Variants in MAGI2 observed in about 807,000 individuals in gnomAD.
MAGI2 encodes the protein membrane associated guanylate kinase, WW and PDZ domain containing 2.
MAGI2 carries 35 observed loss-of-function variants against 133.3 expected under a neutral mutation model. The observed-to-expected ratio is 0.26, with a 90% CI of 0.20 to 0.35. The LOEUF is 0.35. Ranked by LOEUF, MAGI2 falls within the 10% of genes least tolerant of loss-of-function variation. The probability of loss-of-function intolerance (pLI) is 1.00; values close to 1 mark genes in which losing one functional copy is unlikely to be tolerated. For synonymous variants in MAGI2, 729 were observed against 710.6 expected, an observed-to-expected ratio of 1.03 and a Z score of -0.41; for missense variants, 1,636 against 1,863.4, an observed-to-expected ratio of 0.88 and a Z score of 2.25.
At chr7:79,389,224 G>T (rs567454310) in intron 1 of MAGI2, among the ~76,000 whole-genome samples, 5 of 152,004 alleles carry the variant, frequency 3.3e-5, no homozygotes, top group Admixed American at 6.6e-5. Context: ...AACATTGACA[G>T]ATATCAAGGA....
chr7:79,025,884 G>T (rs1809835117), intron 1 of MAGI2, among the ~76,000 whole-genome samples: 1 of 152,200 alleles, frequency 6.6e-6, no homozygotes, highest in African/African-American at 2.4e-5. Context: ...GGCTATAAAA[G>T]AAGTATATGA....
chr7:78,783,465 A>G (rs1826557971), intron 2 of MAGI2, among the ~76,000 whole-genome samples: 1 of 152,202 alleles, frequency 6.6e-6, no homozygotes, highest in Non-Finnish European at 1.5e-5. Flanking sequence ...TATGATGAGA[A>G]AAAAGAAACA....
At chr7:78,624,363 GT>G (rs1044523755) in intron 3 of MAGI2, among the ~76,000 whole-genome samples, 23 of 152,132 alleles carry the variant, frequency 1.5e-4, no homozygotes, top group Non-Finnish European at 3.1e-4. Flanking sequence ...TGCTTTTGGT[GT>G]TTTCATCACG....
chr7:78,988,766 C>T (rs528396928), intron 2 of MAGI2, among the ~76,000 whole-genome samples: 27 of 152,122 alleles, frequency 1.8e-4, no homozygotes, highest in African/African-American at 5.1e-4. Flanking sequence ...CAGTGGAAGA[C>T]GCAGAACTTT....
chr7:78,594,456 AT>A (rs1375174268), intron 3 of MAGI2, among the ~76,000 whole-genome samples: 1 of 151,418 alleles, frequency 6.6e-6, no homozygotes, highest in Non-Finnish European at 1.5e-5. Context: ...AAGGAATTCT[AT>A]TTTTTTTGTT....
intron 14 of MAGI2, among the ~76,000 whole-genome samples, 178 bp downstream of exon 14, chr7:78,177,833 C>A (rs779149013): frequency 1.3e-5 from 2 of 152,008 alleles, no homozygotes; most frequent in Non-Finnish European, 1.5e-5. Context: ...GTGGAGATAA[C>A]TGCATGTCGT....
At chr7:78,620,030 C>G (rs889623460) in intron 3 of MAGI2, among the ~76,000 whole-genome samples, 1 of 151,916 alleles carries the variant, frequency 6.6e-6, no homozygotes, top group African/African-American at 2.4e-5. Flanking sequence ...CAAGAATCTA[C>G]TGCTGTTATG....
At chr7:79,272,316 GCA>G (rs944249669) in intron 1 of MAGI2, among the ~76,000 whole-genome samples, 15 of 152,164 alleles carry the variant, frequency 9.9e-5, no homozygotes, top group African/African-American at 3.1e-4. Flanking sequence ...CAACTAAATG[GCA>G]CAGTCTTTAG....
chr7:79,048,715 T>G (rs1320502649), intron 1 of MAGI2, among the ~76,000 whole-genome samples: 3 of 152,204 alleles, frequency 2.0e-5, no homozygotes, highest in Non-Finnish European at 2.9e-5. Context: ...GGCTCATGCC[T>G]GTAATCCCAG....
chr7:78,376,194 T>A (rs550446610), intron 6 of MAGI2, among the ~76,000 whole-genome samples: 1 of 152,250 alleles, frequency 6.6e-6, no homozygotes, highest in African/African-American at 2.4e-5. Context: ...GAAATCTTTA[T>A]TCCATTCAGT....
At chr7:79,148,834 C>CATATATGTATGTTTTATATAT (rs1205645353) in intron 1 of MAGI2, among the ~76,000 whole-genome samples, 2 of 148,260 alleles carry the variant, frequency 1.3e-5, no homozygotes, top group Non-Finnish European at 3.0e-5. Context: ...TATATATACA[C>CATATATGTATGTTTTATATAT]ATATATGTAT....
At chr7:78,423,723 A>C (rs770466253) in intron 6 of MAGI2, among the ~76,000 whole-genome samples, 4 of 152,118 alleles carry the variant, frequency 2.6e-5, no homozygotes, top group Non-Finnish European at 5.9e-5. Context: ...GAGAGTAAAG[A>C]TGACTCTTGT....
At chr7:78,116,129 G>A (rs1819846459) in intron 20 of MAGI2, among the ~76,000 whole-genome samples, 1 of 152,070 alleles carries the variant, frequency 6.6e-6, no homozygotes, top group Admixed American at 6.5e-5. Flanking sequence ...TATTTTCTCT[G>A]AAGACAAATT....
chr7:78,961,394 A>G (rs1477982658), intron 2 of MAGI2, among the ~76,000 whole-genome samples: 1 of 152,078 alleles, frequency 6.6e-6, no homozygotes, highest in Non-Finnish European at 1.5e-5. Context: ...GGTAGAAGAG[A>G]GAAACAACTT....
intron 6 of MAGI2, among the ~76,000 whole-genome samples, chr7:78,464,675 AC>A (rs1489839723): frequency 6.6e-6 from 1 of 152,182 alleles, no homozygotes; most frequent in African/African-American, 2.4e-5. Context: ...CACATAAAGT[AC>A]ATAGCTTGTG....
chr7:78,362,848 C>G (rs976296995), intron 7 of MAGI2, among the ~76,000 whole-genome samples: 4 of 152,160 alleles, frequency 2.6e-5, no homozygotes, highest in African/African-American at 9.6e-5. Flanking sequence ...TATAGCTACT[C>G]TACTGAGAGG....
intron 1 of MAGI2, among the ~76,000 whole-genome samples, chr7:79,182,956 T>C (rs908885718): frequency 6.6e-6 from 1 of 151,898 alleles, no homozygotes; most frequent in Admixed American, 6.6e-5. Flanking sequence ...AAGACAAATA[T>C]TGCATTTTCT....
chr7:78,072,279 C>T (rs537135647), intron 21 of MAGI2, among the ~76,000 whole-genome samples: 67 of 152,320 alleles, frequency 4.4e-4, no homozygotes, highest in African/African-American at 1.5e-3. Flanking sequence ...GGATTCTTAA[C>T]ACTCTAGAAG....
At chr7:79,439,125 C>T (rs998416016) in intron 1 of MAGI2, among the ~76,000 whole-genome samples, 2 of 151,970 alleles carry the variant, frequency 1.3e-5, no homozygotes, top group African/African-American at 2.4e-5. Flanking sequence ...TTTCCCTATC[C>T]CACCTTGGGT....
Sources: allele counts gnomAD v4.1 joint callset (sites outside exome capture counted in the v4.1 genomes callset), GRCh38; gene constraint gnomAD v4.1.1; transcripts MANE v1.5; gene names NCBI Gene and HGNC (gene_info 2026-07-23, HGNC 2026-07-21).